The following KAZN variants were observed in gnomAD, a reference collection of about 807,000 sequenced individuals.
KAZN encodes kazrin.
KAZN carries 40 observed loss-of-function variants against 87.4 expected under a neutral mutation model. The ratio of observed to expected loss-of-function variants is 0.46; its 90% CI spans 0.36 to 0.60. KAZN has a LOEUF of 0.60. Ranked by LOEUF, KAZN falls within the 20% of genes least tolerant of loss-of-function variation. The pLI is 0.00. For synonymous variants in KAZN, 466 were observed against 458.3 expected (o/e 1.02, Z -0.22); for missense variants, 898 against 1,073.9 (o/e 0.84, Z 2.29).
At chr1:14,644,784 T>C (rs57613490) in intron 1 of KAZN, among the ~76,000 whole-genome samples, 1 of 152,240 alleles carries the variant, frequency 6.6e-6, no homozygotes, top group Non-Finnish European at 1.5e-5. Context: ...ATAGTTTCTT[T>C]TGCTGTGCAG....
chr1:14,845,171 G>GTGGATGGA (rs145173619), intron 1 of KAZN, among the ~76,000 whole-genome samples: 4 of 149,490 alleles, frequency 2.7e-5, no homozygotes, highest in African/African-American at 9.8e-5. Flanking sequence ...GGATGGGTGG[G>GTGGATGGA]TGGATGGATG....
intron 1 of KAZN, among the ~76,000 whole-genome samples, chr1:14,797,681 G>C (rs1462432739): frequency 6.6e-6 from 1 of 152,076 alleles, no homozygotes; most frequent in East Asian, 1.9e-4. Flanking sequence ...CAGAGTGTCG[G>C]CCCTGGAGTC....
intron 1 of KAZN, among the ~76,000 whole-genome samples, chr1:14,693,584 G>A (rs1361505081): frequency 1.3e-5 from 2 of 152,224 alleles, no homozygotes; most frequent in East Asian, 3.9e-4. Context: ...CTTAGATCTT[G>A]CCCATCACCT....
chr1:14,645,641 T>G (rs193183788), intron 1 of KAZN, among the ~76,000 whole-genome samples: 1 of 152,326 alleles, frequency 6.6e-6, no homozygotes, highest in African/African-American at 2.4e-5. Flanking sequence ...TGAAGGAACT[T>G]TTGGGCCAAG....
At chr1:14,128,568 G>T (rs1196775141) in intron 1 of KAZN, among the ~76,000 whole-genome samples, 1 of 152,080 alleles carries the variant, frequency 6.6e-6, no homozygotes, top group East Asian at 1.9e-4. Flanking sequence ...GTCTCTTTGT[G>T]TGCCCAAATT....
intron 2 of KAZN, among the ~76,000 whole-genome samples, chr1:14,576,712 C>T (rs1466204973): frequency 6.6e-6 from 1 of 152,156 alleles, no homozygotes; most frequent in African/African-American, 2.4e-5. Context: ...TGTCTAGACA[C>T]CTCTCTAAAT....
intron 1 of KAZN, among the ~76,000 whole-genome samples, chr1:14,958,432 C>T (rs1399631087): frequency 6.6e-6 from 1 of 151,996 alleles, no homozygotes; most frequent in Non-Finnish European, 1.5e-5. Flanking sequence ...GTACACAAGG[C>T]ACTTCCTGGG....
chr1:14,010,394 T>TC (rs1640238974), intron 1 of KAZN, among the ~76,000 whole-genome samples: 1 of 152,224 alleles, frequency 6.6e-6, no homozygotes. Flanking sequence ...GTGTTGAAAC[T>TC]GTAACGTATC....
At chr1:14,690,369 G>A (rs1333830432) in intron 1 of KAZN, among the ~76,000 whole-genome samples, 1 of 152,226 alleles carries the variant, frequency 6.6e-6, no homozygotes, top group Non-Finnish European at 1.5e-5. Flanking sequence ...CTAAGCTGAA[G>A]TAGATGTCAG....
At chr1:14,738,927 C>T (rs1199121946) in intron 1 of KAZN, among the ~76,000 whole-genome samples, 5 of 152,136 alleles carry the variant, frequency 3.3e-5, no homozygotes, top group South Asian at 2.1e-4. Flanking sequence ...AATCCCAGCA[C>T]GGTGGGAGGC....
chr1:15,080,726 C>T (rs973352988), intron 8 of KAZN, among the ~76,000 whole-genome samples: 4 of 152,224 alleles, frequency 2.6e-5, no homozygotes, highest in African/African-American at 9.6e-5. Context: ...TGGAGGCTCC[C>T]CTGCCACTTC....
intron 1 of KAZN, among the ~76,000 whole-genome samples, chr1:14,016,536 G>T (rs1475234268): frequency 6.6e-6 from 1 of 152,066 alleles, no homozygotes; most frequent in Non-Finnish European, 1.5e-5. Flanking sequence ...AGTGTTGGGG[G>T]CATGTTTATG....
chr1:14,085,772 C>A (rs1466817596), intron 1 of KAZN, among the ~76,000 whole-genome samples: 1 of 152,060 alleles, frequency 6.6e-6, no homozygotes, highest in African/African-American at 2.4e-5. Flanking sequence ...TTAATAAATA[C>A]CTTGGAATGG....
chr1:14,298,814 A>G (rs530609020), intron 2 of KAZN, among the ~76,000 whole-genome samples: 2 of 152,336 alleles, frequency 1.3e-5, no homozygotes, highest in East Asian at 3.9e-4. Flanking sequence ...TTACTAATAG[A>G]GTATACAAAT....
chr1:14,361,852 C>T (rs181449281), intron 2 of KAZN, among the ~76,000 whole-genome samples: 85 of 152,302 alleles, frequency 5.6e-4, no homozygotes, highest in African/African-American at 1.4e-3. Context: ...GTCATTTACC[C>T]GTGATTACTG....
At chr1:14,121,891 C>T (rs990545135) in intron 1 of KAZN, among the ~76,000 whole-genome samples, 7 of 152,128 alleles carry the variant, frequency 4.6e-5, no homozygotes, top group African/African-American at 7.2e-5. Flanking sequence ...ATTCCAGATG[C>T]AGGAAATAGC....
At chr1:14,240,250 G>T (rs1185789199) in intron 2 of KAZN, among the ~76,000 whole-genome samples, 1 of 152,200 alleles carries the variant, frequency 6.6e-6, no homozygotes, top group East Asian at 1.9e-4. Context: ...AAGGAAACAA[G>T]GCCTGGGAAG....
chr1:14,731,560 T>C (rs1643679901), intron 1 of KAZN, among the ~76,000 whole-genome samples: 1 of 152,230 alleles, frequency 6.6e-6, no homozygotes, highest in Non-Finnish European at 1.5e-5. Context: ...TCTCCATCTA[T>C]TATCTCTTGT....
intron 2 of KAZN, among the ~76,000 whole-genome samples, chr1:14,208,509 G>A (rs145738929): frequency 5.6e-4 from 86 of 152,256 alleles, no homozygotes; most frequent in South Asian, 2.1e-3. Flanking sequence ...AAAAAAAGCC[G>A]GTAGTCTCTA....
Sources: gnomAD v4.1 joint callset for allele counts (sites outside exome capture counted in the v4.1 genomes callset) on GRCh38, gnomAD v4.1.1 for gene constraint, MANE v1.5 for transcripts, NCBI Gene and HGNC (gene_info 2026-07-23, HGNC 2026-07-21) for gene names.